TBX15: variants seen among roughly 807,000 people sequenced by gnomAD.
TBX15 encodes T-box transcription factor TBX15.
Under a neutral mutation model 53.9 loss-of-function variants are expected in TBX15, and 18 were observed. That is an observed-to-expected ratio of 0.33 (90% CI 0.23 to 0.49). The LOEUF (loss-of-function observed/expected upper bound fraction) is 0.49, where lower values mean the gene tolerates loss of function less well. Ranked by LOEUF, TBX15 falls within the 20% of genes least tolerant of loss-of-function variation. The pLI, the probability that TBX15 is intolerant of heterozygous loss-of-function variation, is 0.98. For missense variants in TBX15, 692 were observed against 749.5 expected (o/e 0.92, Z 0.90); for synonymous variants, 295 against 278.0 (o/e 1.06, Z -0.61).
intron 1 of TBX15, among the ~76,000 whole-genome samples, chr1:118,956,946 G>C (rs894217455): frequency 7.2e-6 from 1 of 139,568 alleles, no homozygotes; most frequent in Non-Finnish European, 1.5e-5. Flanking sequence ...CTGGGCAACA[G>C]AGCGAGACTC....
intron 6 of TBX15, among the ~76,000 whole-genome samples, chr1:118,900,238 G>A (rs1006339276): frequency 2.0e-5 from 3 of 152,190 alleles, no homozygotes; most frequent in Non-Finnish European, 4.4e-5. Context: ...GTCACTGGAA[G>A]GTGGGTGGTA....
At chr1:118,939,560 G>A (rs1270298473) in intron 1 of TBX15, among the ~76,000 whole-genome samples, 1 of 151,916 alleles carries the variant, frequency 6.6e-6, no homozygotes, top group Non-Finnish European at 1.5e-5. Flanking sequence ...GTGGAAGAGG[G>A]AGGCATGGGT....
intron 5 of TBX15, 118 bp downstream of exon 5, chr1:118,923,318 A>T: frequency 7.8e-7 from 1 of 1,287,638 alleles, no homozygotes; most frequent in Non-Finnish European, 1.1e-6. Context: ...CTTAACATTT[A>T]GTGGACTAAG....
At chr1:118,900,619 A>C (rs370759795) in intron 6 of TBX15, among the ~76,000 whole-genome samples, 1 of 152,176 alleles carries the variant, frequency 6.6e-6, no homozygotes, top group East Asian at 1.9e-4. Context: ...AGAGTGTTAC[A>C]TGGTGTTTAT....
In TBX15 at chr1:118,884,014, G is replaced by A. The variant is rs974330502; in HGVS notation, c.*718C>T. On this transcript the variant is annotated 3_prime_UTR_variant, in exon 8 of 8. Transcript: ENST00000369429. The stretch of plus-strand genomic sequence containing the variant: ...TCTCCCTCTTTCCACGGGCACCACT[G>A]GGAATATCAATGATAGCATACAAGT... The A allele has an allele frequency of 1.3e-5, 2 of 152,920 alleles. No individual in the cohort carries two copies. Among genetic ancestry groups the A allele is most frequent in the Non-Finnish European group, 2.9e-5 (2 of 68,326 alleles). 9.5% of individuals were successfully genotyped at this position (152,920 alleles called of 1,614,324 possible). A position where few individuals can be genotyped will look rare whatever the true frequency, so the allele number is the denominator to read the frequency against.
At chr1:118,956,100 C>T (rs1656681011) in intron 1 of TBX15, among the ~76,000 whole-genome samples, 1 of 152,184 alleles carries the variant, frequency 6.6e-6, no homozygotes, top group Non-Finnish European at 1.5e-5. Context: ...AATCAGGAAG[C>T]AGGCCCTCAC....
chr1:118,984,662 C>T (rs1420534634), intron 1 of TBX15, among the ~76,000 whole-genome samples: 3 of 152,366 alleles, frequency 2.0e-5, no homozygotes, highest in Non-Finnish European at 4.4e-5. Flanking sequence ...TCTCTAGTAG[C>T]TTCTCCAAAA....
chr1:118,920,138 C>A (rs1655374747), intron 5 of TBX15, among the ~76,000 whole-genome samples: 1 of 152,128 alleles, frequency 6.6e-6, no homozygotes, highest in Non-Finnish European at 1.5e-5. Context: ...TAACTCCCAA[C>A]TTCGTGTTTT....
At chr1:118,974,800 C>T (rs925775835) in intron 1 of TBX15, among the ~76,000 whole-genome samples, 17 of 152,154 alleles carry the variant, frequency 1.1e-4, no homozygotes, top group Admixed American at 4.6e-4. Context: ...ACCCTAACAG[C>T]GGGTGTACTT....
chr1:118,907,436 A>C (rs1315757539), intron 6 of TBX15, among the ~76,000 whole-genome samples: 1 of 152,172 alleles, frequency 6.6e-6, no homozygotes, highest in African/African-American at 2.4e-5. Flanking sequence ...TATTATATAA[A>C]ATTTTCCAAG....
chr1:118,893,761 T>C (rs1465263815), intron 7 of TBX15, among the ~76,000 whole-genome samples: 1 of 152,214 alleles, frequency 6.6e-6, no homozygotes, highest in Non-Finnish European at 1.5e-5. Context: ...AATTTTATCC[T>C]AAAGTTGTCT....
intron 1 of TBX15, among the ~76,000 whole-genome samples, chr1:118,963,279 T>A (rs1656937445): frequency 6.6e-6 from 1 of 152,218 alleles, no homozygotes; most frequent in African/African-American, 2.4e-5. Context: ...CACTGTTTTA[T>A]CTGAACTATT....
chr1:118,903,608 T>C (rs1654710802), intron 6 of TBX15, among the ~76,000 whole-genome samples: 1 of 152,158 alleles, frequency 6.6e-6, no homozygotes, highest in African/African-American at 2.4e-5. Context: ...AAAGACAACG[T>C]ATGCTATAGG....
chr1:118,941,121 C>A (rs916437285), intron 1 of TBX15, among the ~76,000 whole-genome samples: 2 of 152,162 alleles, frequency 1.3e-5, no homozygotes, highest in African/African-American at 4.8e-5. Context: ...CTCTTTGCAA[C>A]CACCACTTCC....
intron 7 of TBX15, among the ~76,000 whole-genome samples, chr1:118,890,360 G>T (rs1654097468): frequency 6.6e-6 from 1 of 152,088 alleles, no homozygotes; most frequent in Admixed American, 6.6e-5. Context: ...TATCCTTAGA[G>T]GTCTTAATTC....
chr1:118,891,003 T>C (rs1362375975), intron 7 of TBX15: 5 of 1,183,186 alleles, frequency 4.2e-6, no homozygotes, highest in Non-Finnish European at 5.6e-6. Context: ...CAGCACCCTA[T>C]AGACTGATCC....
At position 118,923,534 on chromosome 1, in the gene TBX15, G is replaced by C; in HGVS notation, c.763C>G (p.Leu255Val). The C allele has an allele frequency of 6.2e-7, 1 of 1,614,030 alleles. No homozygotes were observed. ...HVIRKDFSSD[L>V]SPTKPVPVGD... ...ACAGGAACAGGCTTAGTGGGTGAAA[G>C]GTCACTGCTGAAGTCTTTGCGAATC... Residue 255 changes from leucine to valine, a missense_variant, in exon 5 of 8, where the codon CTT becomes GTT. Leu to Val is a conservative substitution (Grantham distance 32, BLOSUM62 1). Transcript: ENST00000369429.
intron 2 of TBX15, among the ~76,000 whole-genome samples, chr1:118,930,911 T>G (rs1405238398): frequency 1.3e-5 from 2 of 152,228 alleles, no homozygotes; most frequent in Admixed American, 1.3e-4. Flanking sequence ...CTAATCCATA[T>G]ATGGGATGAT....
At chr1:118,906,499 T>G (rs1347013654) in intron 6 of TBX15, among the ~76,000 whole-genome samples, 1 of 152,128 alleles carries the variant, frequency 6.6e-6, no homozygotes, top group Non-Finnish European at 1.5e-5. Flanking sequence ...TTGGGTGTTG[T>G]GAGAAGGGGC....
Sources: gnomAD v4.1 joint callset for allele counts (sites outside exome capture counted in the v4.1 genomes callset) on GRCh38, gnomAD v4.1.1 for gene constraint, MANE v1.5 for transcripts, NCBI Gene and HGNC (gene_info 2026-07-23, HGNC 2026-07-21) for gene names.